MYH4: variants seen among roughly 807,000 people sequenced by gnomAD.
MYH4 encodes myosin heavy chain 4, also known as myosin-4.
In MYH4, 200 loss-of-function variants were observed where a neutral mutation model predicts 229.9. The observed-to-expected ratio is 0.87, with a 90% CI of 0.78 to 0.98. The LOEUF (loss-of-function observed/expected upper bound fraction) is 0.98, where lower values mean the gene tolerates loss of function less well. Ranked by LOEUF, MYH4 falls within the 50% of genes least tolerant of loss-of-function variation. The pLI, the probability that MYH4 is intolerant of heterozygous loss-of-function variation, is 0.00. For missense variants in MYH4, 2,148 were observed against 2,332.6 expected, an observed-to-expected ratio of 0.92 and a Z score of 1.63; for synonymous variants, 761 against 834.6, an observed-to-expected ratio of 0.91 and a Z score of 1.52.
intron 33 of MYH4, 59 bp from the exon 34 acceptor site, chr17:10,448,185 A>G: frequency 2.0e-6 from 3 of 1,490,110 alleles, no homozygotes; most frequent in African/African-American, 1.4e-5. Context: ...CTTTCACATT[A>G]TGATAATTTC....
chr17:10,463,012 G>A (rs773199823), intron 10 of MYH4, 44 bp from the exon 11 acceptor site: 5 of 1,599,310 alleles, frequency 3.1e-6, no homozygotes, highest in Non-Finnish European at 3.4e-6. Context: ...CATTGCTTTG[G>A]TCATCAAAAA....
intron 11 of MYH4, among the ~76,000 whole-genome samples, chr17:10,462,093 C>A (rs2072709491): frequency 6.6e-6 from 1 of 152,120 alleles, no homozygotes. Context: ...TTATTGACTT[C>A]TTGAAAATAA....
rs757021574 is a variant in MYH4, at chr17:10,445,157, A to T, written c.5296-11T>A. 1.2e-6 allele frequency: 2 copies of T among 1,614,060 alleles called. No homozygotes were observed. Among genetic ancestry groups the T allele is most frequent in the African/African-American group, 2.7e-5 (2 of 74,936 alleles). On this transcript the variant is annotated splice_polypyrimidine_tract_variant and intron_variant, in intron 36 of 39. Transcript: ENST00000255381. The stretch of plus-strand genomic sequence containing the variant: ...AGCCATCATGGCAGCCTAGTTAGCA[A>T]ATAAATTTTGAAAATAATGAATTCT...
rs1044059039 is a variant in MYH4, at chr17:10,453,273, G to T, written c.2990C>A (p.Thr997Asn). 1 of 1,613,924 alleles carries T rather than the reference G, an allele frequency of 6.2e-7. No homozygotes were observed. The highest frequency in any genetic ancestry group is 1.7e-5 in the Admixed American group (1 of 59,992). ...CTCCTGGAGAGCCTTCTTCTCCTTG[G>T]TCAGCTTAGCAATGGTTTCATCCAG... ...AGLDETIAKL[T>N]KEKKALQEAH... Residue 997 changes from threonine (T) to asparagine (N), a missense_variant, in exon 24 of 40, where the codon ACC (threonine) becomes AAC (asparagine). By Grantham distance (65) the Thr-to-Asn change is moderately conservative. Transcript: ENST00000255381.
chr17:10,462,766 A>C, intron 11 of MYH4, 99 bp downstream of exon 11: 1 of 969,956 alleles, frequency 1.0e-6, no homozygotes, highest in Non-Finnish European at 1.5e-6. Flanking sequence ...TGTATTACCT[A>C]TTTATAGTCT....
intron 15 of MYH4, 115 bp from the exon 16 acceptor site, chr17:10,457,844 T>A: frequency 7.5e-7 from 1 of 1,338,990 alleles, no homozygotes; most frequent in Non-Finnish European, 1.0e-6. Flanking sequence ...AATGATAAAT[T>A]AAATAGGCAT....
At position 10,464,385 on chromosome 17, in the gene MYH4, C is replaced by T. The variant is rs1486875161; in HGVS notation, c.648+87G>A. 61 of 1,143,126 alleles carry T rather than the reference C, an allele frequency of 5.3e-5. 1 individual carries two copies. The highest frequency in any genetic ancestry group is 6.9e-5 in the Non-Finnish European group (55 of 795,938). The allele number at this position is 1,143,126 out of a possible 1,614,324, so 70.8% of individuals were successfully genotyped here. On this transcript the variant is annotated intron_variant, in intron 7 of 39. Coordinates refer to ENST00000255381, the MANE Select transcript of MYH4 (RefSeq NM_017533.2). ...AGTATTCCATGGTGTATACGTACTA[C>T]ATTTTCTGTATACAGTCTACTGTTG...
At chr17:10,468,638 G>A (rs2072791104) in intron 2 of MYH4, among the ~76,000 whole-genome samples, 1 of 152,160 alleles carries the variant, frequency 6.6e-6, no homozygotes, top group African/African-American at 2.4e-5. Context: ...TCCATTAAAT[G>A]TTTTGATTCT....
At chr17:10,448,317 T>A (rs766673609) in intron 33 of MYH4, 79 bp downstream of exon 33, 4 of 1,479,420 alleles carry the variant, frequency 2.7e-6, no homozygotes, top group Middle Eastern at 3.6e-4. Context: ...CCCTAAAGAT[T>A]TGCAACATGA....
At position 10,448,096 on chromosome 17, in the gene MYH4, G is replaced by T. The variant is rs371801767; in HGVS notation, c.4687C>A (p.Leu1563Ile). The T allele has an allele frequency of 6.2e-7, 1 of 1,613,662 alleles. No individual in the cohort carries two copies. Among genetic ancestry groups the T allele is most frequent in the Non-Finnish European group, 8.5e-7 (1 of 1,179,856 alleles). Residue 1563 changes from leucine (L) to isoleucine (I), a missense_variant, in exon 34 of 40, where the codon CTT (leucine) becomes ATT (isoleucine). Transcript: ENST00000255381. ...TGATTTAGCTCAAGTTGAATGCGAA[G>T]AATTTTGCCTTCTTCATGCTCAAGA... ...ASLEHEEGKILRIQLELNQVK... is the reference protein window; with the variant it reads ...ASLEHEEGKIIRIQLELNQVK...
In MYH4 at chr17:10,448,758, T is replaced by C. The variant is rs540842824; in HGVS notation, c.4391A>G (p.Tyr1464Cys). 1.2e-6 allele frequency: 2 copies of C among 1,614,030 alleles called. No homozygotes were observed. Among genetic ancestry groups the C allele is most frequent in the East Asian group, 4.5e-5 (2 of 44,880 alleles). ...DKVLAEWKQK[Y>C]EETQAELEAS... ...CTCAAGTTCAGCCTGAGTTTCCTCA[T>C]ACTTCTGTTTCCATTCTGCCAGAAC... Residue 1464 changes from tyrosine to cysteine, a missense_variant, in exon 32 of 40, where the codon TAT becomes TGT. Tyr to Cys is a radical substitution (Grantham distance 194, BLOSUM62 -2). Transcript: ENST00000255381.
At chr17:10,461,562 A>T (rs2072702684) in intron 11 of MYH4, among the ~76,000 whole-genome samples, 1 of 152,112 alleles carries the variant, frequency 6.6e-6, no homozygotes, top group African/African-American at 2.4e-5. Context: ...GTATGAGGAG[A>T]ACAGCAATGG....
In MYH4 at chr17:10,447,044, G is replaced by A. The variant is rs761168807; in HGVS notation, c.5138C>T (p.Ala1713Val). ...GTGCAGAAGTTGCACACGTTCACTG[G>A]CATCCAGAAGCTCTTGCTCTGCCAT... ...RKMAEQELLD[A>V]SERVQLLHTQ... The change falls in exon 35 of 40, where the codon GCC (alanine) becomes GTC (valine). Residue 1713 changes from alanine (A) to valine (V), a missense_variant. Ala to Val is a moderately conservative substitution (Grantham distance 64). Transcript: ENST00000255381. 2 of 1,614,068 alleles carry A rather than the reference G, an allele frequency of 1.2e-6. No homozygotes were observed. Among genetic ancestry groups the A allele is most frequent in the African/African-American group, 2.7e-5 (2 of 75,028 alleles).
rs763267052 is a variant in MYH4 at position 10,445,101 on chromosome 17, C to T, written c.5341G>A (p.Ala1781Thr). ...TTCTTCTTCATCCGCTCCAGGTGGG[C>T]GCTGGTGTCCTGTTCCTTCTTCAGC... The part of the protein sequence containing the change: ...EELKKEQDTS[A>T]HLERMKKNME... The change falls in exon 37 of 40, where the codon GCC becomes ACC. Residue 1781 changes from alanine to threonine, a missense_variant. By Grantham distance (58) the Ala-to-Thr change is moderately conservative. Transcript: ENST00000255381. 17 of 1,614,178 alleles carry T rather than the reference C, an allele frequency of 1.1e-5. No homozygotes were observed. Among genetic ancestry groups the T allele is most frequent in the South Asian group, 3.3e-5 (3 of 91,078 alleles).
Position 10,452,079 on chromosome 17 carries a change from G to C in MYH4, c.3600C>G (p.His1200Gln), listed in dbSNP as rs1366797907. 1.2e-6 allele frequency: 2 copies of C among 1,613,912 alleles called. No individual in the cohort carries two copies. Among genetic ancestry groups the C allele is most frequent in the Non-Finnish European group, 1.7e-6 (2 of 1,179,924 alleles). The change falls in exon 27 of 40, where the codon CAC becomes CAG. Residue 1200 changes from histidine (H) to glutamine (Q), a missense_variant. Transcript: ENST00000255381. Reference protein sequence around the residue: ...EATAAALRKKHADSVAELGEQ... With the variant: ...EATAAALRKKQADSVAELGEQ... ...CCCCAAGCTCAGCCACACTATCTGC[G>C]TGCTTCTTCCGAAGAGCAGCTGCCG...
rs147723359 is a variant in MYH4 at position 10,452,167 on chromosome 17, C to T, written c.3512G>A (p.Arg1171Gln). ...TSAQIEMNKKREAEFQKMRRD... is the reference protein window; with the variant it reads ...TSAQIEMNKKQEAEFQKMRRD... ...GCGCATTTTCTGGAACTCAGCCTCC[C>T]GCTTCTTGTTCATCTCAATCTGGGC... The change falls in exon 27 of 40, where the codon CGG becomes CAG. Residue 1171 changes from arginine to glutamine, a missense_variant. By Grantham distance (43) the Arg-to-Gln change is conservative. Transcript: ENST00000255381. 22 of 1,613,834 alleles carry T rather than the reference C, an allele frequency of 1.4e-5. No individual in the cohort carries two copies. The African/African-American group carries it at 1.5e-4, about 11-fold the overall frequency.
chr17:10,457,550 C>T lies in MYH4; in HGVS notation c.1767G>A (p.Val589=), dbSNP rs749445587. ...CCAGCCAGCCGGCGATGTTGTAGTC[C>T]ACGGTGCCGGCATAGTGCACCAGTG... ...HFSLVHYAGT[V]DYNIAGWLDK... Residue 589 remains valine (V), a synonymous_variant, in exon 16 of 40, where the codon GTG becomes GTA. Coordinates refer to ENST00000255381, the MANE Select transcript of MYH4 (RefSeq NM_017533.2). 5 of 1,614,062 alleles carry T rather than the reference C, an allele frequency of 3.1e-6. No homozygotes were observed. The highest frequency in any genetic ancestry group is 8.5e-7 in the Non-Finnish European group (1 of 1,180,036).
intron 30 of MYH4, among the ~76,000 whole-genome samples, 175 bp from the exon 31 acceptor site, chr17:10,449,222 T>G (rs779721001): frequency 1.3e-5 from 2 of 152,210 alleles, no homozygotes; most frequent in Non-Finnish European, 2.9e-5. Context: ...GTTCTTATTT[T>G]TATCCATCTC....
intron 30 of MYH4, among the ~76,000 whole-genome samples, chr17:10,450,153 A>C (rs771592232): frequency 6.6e-6 from 1 of 152,200 alleles, no homozygotes; most frequent in Non-Finnish European, 1.5e-5. Context: ...CCTTCTATTA[A>C]AAGATACTAA....
Sources: allele counts gnomAD v4.1 joint callset (sites outside exome capture counted in the v4.1 genomes callset), GRCh38; gene constraint gnomAD v4.1.1; transcripts MANE v1.5; gene names NCBI Gene and HGNC (gene_info 2026-07-23, HGNC 2026-07-21).